Variants in CPS1 observed in about 807,000 individuals in gnomAD.
CPS1 encodes the protein carbamoyl-phosphate synthase 1.
CPS1 carries 109 observed loss-of-function variants against 174.6 expected under a neutral mutation model. The observed-to-expected ratio is 0.62, with a 90% CI of 0.53 to 0.73. The LOEUF (loss-of-function observed/expected upper bound fraction) is 0.73. CPS1 is among the 30% of genes least tolerant of loss of function. CPS1 has a pLI of 0.00. For synonymous variants in CPS1, 637 were observed against 632.0 expected, an observed-to-expected ratio of 1.01 and a Z score of -0.12; for missense variants, 1,689 against 1,821.9, an observed-to-expected ratio of 0.93 and a Z score of 1.33.
rs1478550035 is a variant in CPS1 at position 210,491,310 on chromosome 2, T to G, written c.3+13544T>G. On this transcript the variant is annotated intron_variant, in intron 1 of 38. Coordinates refer to the CPS1 transcript ENST00000430249. ...AAAGCATGTATTTGGTATCTGTGTT[T>G]TTTTTTTTTTTTTTTTTTTTTTTTT... Among the ~76,000 whole-genome samples, 18 of 17,802 alleles carry G rather than the reference T, an allele frequency of 1.0e-3. 1 individual carries two copies. The highest frequency in any genetic ancestry group is 3.4e-3 in the Non-Finnish European group (11 of 3,252). 11.7% of individuals were successfully genotyped at this position (17,802 alleles called of 152,430 possible).
intron 1 of CPS1, among the ~76,000 whole-genome samples, chr2:210,495,402 A>G (rs1694966856): frequency 6.6e-6 from 1 of 152,216 alleles, no homozygotes; most frequent in African/African-American, 2.4e-5. Flanking sequence ...AAGGGATGCC[A>G]CAAAACTCAG....
At chr2:210,606,593 G>T (rs975951902) in intron 17 of CPS1, 138 bp from the exon 18 acceptor site, 2 of 804,398 alleles carry the variant, frequency 2.5e-6, no homozygotes, top group Non-Finnish European at 4.2e-6. Context: ...GGAATTGGGG[G>T]AATACCTGAT....
chr2:210,586,920 T>C (rs539115566), intron 6 of CPS1, among the ~76,000 whole-genome samples: 25 of 152,072 alleles, frequency 1.6e-4, no homozygotes, highest in Non-Finnish European at 3.7e-4. Flanking sequence ...CAATTTTCTG[T>C]AGCTACAACT....
At chr2:210,634,420 AC>A (rs1287338114) in intron 21 of CPS1, among the ~76,000 whole-genome samples, 1 of 151,714 alleles carries the variant, frequency 6.6e-6, no homozygotes, top group East Asian at 1.9e-4. Context: ...ACAGAGCGAG[AC>A]TCCGTCTCAA....
chr2:210,527,668 ATAT>A (rs1696009561), intron 1 of CPS1, among the ~76,000 whole-genome samples: 1 of 151,874 alleles, frequency 6.6e-6, no homozygotes, highest in Admixed American at 6.6e-5. Context: ...TACTAGCATA[ATAT>A]TAATAAATTA....
At position 210,556,803 on chromosome 2, in the gene CPS1, A is replaced by G. The variant is rs752849933; in HGVS notation, c.70A>G (p.Thr24Ala). Residue 24 changes from threonine (T) to alanine (A), a missense_variant, in exon 1 of 38, where the codon ACT becomes GCT. Thr to Ala is a moderately conservative substitution (Grantham distance 58). Coordinates refer to ENST00000233072, the MANE Select transcript of CPS1 (RefSeq NM_001875.5). Reference sequence around the variant, plus strand: ...GACTGGTTTTGGCTTTACCAATGTGACTGCACACCAAAAATGGAAATTTTC... The same window carrying G: ...GACTGGTTTTGGCTTTACCAATGTGGCTGCACACCAAAAATGGAAATTTTC... ...LKTGFGFTNV[T>A]AHQKWKFSRP... 22 of 1,613,078 alleles carry G rather than the reference A, an allele frequency of 1.4e-5. No individual in the cohort carries two copies. In the South Asian group the frequency reaches 2.3e-4, roughly 17 times the overall value.
intron 1 of CPS1, among the ~76,000 whole-genome samples, chr2:210,514,747 G>T (rs1695629168): frequency 1.3e-5 from 2 of 148,840 alleles, no homozygotes; most frequent in Admixed American, 6.8e-5. Context: ...GTAAGAATAG[G>T]CATCCTTGTC....
intron 1 of CPS1, among the ~76,000 whole-genome samples, chr2:210,514,349 A>G (rs574721427): frequency 4.0e-5 from 6 of 151,654 alleles, no homozygotes; most frequent in Admixed American, 1.3e-4. Flanking sequence ...TGTGTCATCT[A>G]TGATTCCTTT....
Position 210,512,823 on chromosome 2 carries a change from TATATATGGAGATATAC to T in CPS1, c.3+35073_3+35088del, listed in dbSNP as rs1260266294. On this transcript the variant is annotated intron_variant, in intron 1 of 38. Transcript: ENST00000430249. ...ATATATATATGGAGAGAGAGAGATA[TATATATGGAGATATAC>T]ATATATGGAGATATATATATATAGA... is the stretch of plus-strand genomic sequence containing the variant. 9.0e-4 allele frequency among the ~76,000 whole-genome samples: 112 copies of T among 125,062 alleles called. 6 individuals are homozygous for T. The highest frequency in any genetic ancestry group is 3.0e-3 in the South Asian group (12 of 4,062). The allele number at this position is 125,062 out of a possible 152,430, so 82.0% of individuals were successfully genotyped here. A position where few individuals can be genotyped will look rare whatever the true frequency, so the allele number is the denominator to read the frequency against.
intron 19 of CPS1, among the ~76,000 whole-genome samples, chr2:210,609,523 A>G (rs1574587962): frequency 6.6e-6 from 1 of 152,094 alleles, no homozygotes; most frequent in East Asian, 1.9e-4. Context: ...GTAATCCATC[A>G]TTATTGTTAT....
At chr2:210,502,314 G>A (rs1695160205) in intron 1 of CPS1, among the ~76,000 whole-genome samples, 1 of 150,386 alleles carries the variant, frequency 6.6e-6, no homozygotes, top group South Asian at 2.1e-4. Context: ...AGTGGTCGAG[G>A]CACACTGAAA....
intron 19 of CPS1, among the ~76,000 whole-genome samples, chr2:210,609,690 C>T (rs1414256528): frequency 6.6e-6 from 1 of 151,780 alleles, no homozygotes; most frequent in Non-Finnish European, 1.5e-5. Context: ...AGCTTTTAGT[C>T]TATGTATCTA....
chr2:210,512,097 C>G (rs1268613218), intron 1 of CPS1, among the ~76,000 whole-genome samples: 1 of 152,028 alleles, frequency 6.6e-6, no homozygotes, highest in Non-Finnish European at 1.5e-5. Flanking sequence ...TCCTAGAGAC[C>G]ACATTTCAGA....
At chr2:210,506,657 A>G (rs1016606510) in intron 1 of CPS1, among the ~76,000 whole-genome samples, 3 of 152,190 alleles carry the variant, frequency 2.0e-5, no homozygotes, top group Admixed American at 6.5e-5. Flanking sequence ...GCTAACTAGA[A>G]TAACCAATGC....
At chr2:210,515,493 A>T (rs747753086) in intron 1 of CPS1, among the ~76,000 whole-genome samples, 4 of 151,624 alleles carry the variant, frequency 2.6e-5, no homozygotes, top group Non-Finnish European at 5.9e-5. Context: ...GTGTGTGTAG[A>T]TGTGTTCATA....
At chr2:210,675,087 T>A in intron 35 of CPS1, 126 bp downstream of exon 35, 2 of 769,602 alleles carry the variant, frequency 2.6e-6, no homozygotes, top group South Asian at 1.5e-5. Context: ...TTTAACTAAC[T>A]TGGTAGTTTC....
At chr2:210,480,319 G>C (rs1224225018) in intron 1 of CPS1, among the ~76,000 whole-genome samples, 2 of 152,170 alleles carry the variant, frequency 1.3e-5, no homozygotes, top group Non-Finnish European at 2.9e-5. Context: ...ACCTCTAGCT[G>C]CCCAGGAGGC....
At chr2:210,659,669 C>G (rs1482353698) in intron 31 of CPS1, among the ~76,000 whole-genome samples, 4 of 152,144 alleles carry the variant, frequency 2.6e-5, no homozygotes, top group Admixed American at 2.6e-4. Flanking sequence ...ATGTATTAAG[C>G]AAGCCTCTGC....
intron 1 of CPS1, among the ~76,000 whole-genome samples, chr2:210,520,015 T>C (rs1389356734): frequency 6.6e-6 from 1 of 152,046 alleles, no homozygotes; most frequent in Non-Finnish European, 1.5e-5. Flanking sequence ...GAAATACAAA[T>C]CGTCATTGTT....
Sources: allele counts gnomAD v4.1 joint callset (sites outside exome capture counted in the v4.1 genomes callset), GRCh38; gene constraint gnomAD v4.1.1; transcripts MANE v1.5; gene names NCBI Gene and HGNC (gene_info 2026-07-23, HGNC 2026-07-21).